Variants in ADAMTSL1 observed in about 807,000 individuals in gnomAD.
The protein encoded by ADAMTSL1 is ADAMTS like 1.
In ADAMTSL1, 126 loss-of-function variants were observed where a neutral mutation model predicts 201.8. That is an observed-to-expected ratio of 0.62 (90% CI 0.54 to 0.72). The LOEUF (loss-of-function observed/expected upper bound fraction) is 0.72, where lower values mean the gene tolerates loss of function less well. Ranked by LOEUF, ADAMTSL1 falls within the 30% of genes least tolerant of loss-of-function variation. The pLI, the probability that ADAMTSL1 is intolerant of heterozygous loss-of-function variation, is 0.00. For synonymous variants in ADAMTSL1, 1,121 were observed against 903.4 expected, an observed-to-expected ratio of 1.24 and a Z score of -4.32; for missense variants, 2,679 against 2,277.8, an observed-to-expected ratio of 1.18 and a Z score of -3.59.
At chr9:18,225,164 C>G (rs1162402597) in intron 2 of ADAMTSL1, among the ~76,000 whole-genome samples, 1 of 152,146 alleles carries the variant, frequency 6.6e-6, no homozygotes, top group Middle Eastern at 3.2e-3. Flanking sequence ...ATTTTAACCT[C>G]TCAAAAGCAT....
At chr9:17,921,010 T>C (rs1161388243) in intron 1 of ADAMTSL1, among the ~76,000 whole-genome samples, 1 of 152,214 alleles carries the variant, frequency 6.6e-6, no homozygotes, top group African/African-American at 2.4e-5. Context: ...AGTAGATCTG[T>C]CTCTTTCAAT....
intron 15 of ADAMTSL1, among the ~76,000 whole-genome samples, chr9:18,733,351 C>G (rs1286681045): frequency 1.3e-5 from 2 of 152,130 alleles, no homozygotes; most frequent in Admixed American, 6.6e-5. Flanking sequence ...GTAAAAAATT[C>G]ATTAGAGTAC....
intron 1 of ADAMTSL1, among the ~76,000 whole-genome samples, chr9:17,984,965 A>G (rs184869005): frequency 4.6e-5 from 7 of 152,232 alleles, no homozygotes; most frequent in Admixed American, 3.9e-4. Flanking sequence ...GTTGCCTTAA[A>G]CCATTGTGTT....
intron 2 of ADAMTSL1, among the ~76,000 whole-genome samples, chr9:18,244,508 A>C (rs1831185924): frequency 6.6e-6 from 1 of 151,846 alleles, no homozygotes; most frequent in Admixed American, 6.6e-5. Flanking sequence ...AGCCAAACTC[A>C]ACTACTCTCT....
chr9:18,643,263 T>C (rs1444484815), intron 7 of ADAMTSL1, among the ~76,000 whole-genome samples: 1 of 152,054 alleles, frequency 6.6e-6, no homozygotes, highest in Non-Finnish European at 1.5e-5. Context: ...TATTTTTCAG[T>C]CAGATTGTTT....
intron 2 of ADAMTSL1, among the ~76,000 whole-genome samples, chr9:18,360,442 C>G (rs1206500804): frequency 2.0e-5 from 3 of 152,140 alleles, no homozygotes; most frequent in Non-Finnish European, 4.4e-5. Flanking sequence ...GATTTTTGAA[C>G]TCTCTGAGCT....
rs550113380 is a variant in ADAMTSL1 at position 18,515,843 on chromosome 9, G to A, written c.191+10887G>A. Among the ~76,000 whole-genome samples the A allele has an allele frequency of 3.9e-5, 6 of 152,192 alleles. No individual in the cohort carries two copies. In the East Asian group the frequency reaches 9.7e-4, roughly 25 times the overall value. ...GCCCAAAGTATTAAATGAACTAAGT[G>A]ATTTCTAACTTATTCTTTCATCCTT... is the stretch of plus-strand genomic sequence containing the variant. On this transcript the variant is annotated intron_variant, in intron 2 of 28. Transcript: ENST00000380548.
At chr9:18,763,438 T>C (rs1048530514) in intron 16 of ADAMTSL1, among the ~76,000 whole-genome samples, 2 of 152,100 alleles carry the variant, frequency 1.3e-5, no homozygotes, top group Admixed American at 6.6e-5. Flanking sequence ...TTTACTCCCA[T>C]TCTGTGGGTT....
intron 2 of ADAMTSL1, among the ~76,000 whole-genome samples, chr9:18,413,453 C>T (rs1272110358): frequency 6.6e-6 from 1 of 152,184 alleles, no homozygotes; most frequent in African/African-American, 2.4e-5. Flanking sequence ...GTGTGGGCCA[C>T]CATGCCCGGC....
At chr9:18,506,193 A>G (rs1248206799) in intron 2 of ADAMTSL1, among the ~76,000 whole-genome samples, 1 of 152,222 alleles carries the variant, frequency 6.6e-6, no homozygotes, top group African/African-American at 2.4e-5. Flanking sequence ...CCTTGAGCTG[A>G]TAAGAAAGAC....
At chr9:18,557,420 A>G (rs571912246) in intron 3 of ADAMTSL1, among the ~76,000 whole-genome samples, 22 of 152,184 alleles carry the variant, frequency 1.4e-4, no homozygotes, top group African/African-American at 5.1e-4. Flanking sequence ...GATTAAAATA[A>G]GGGCCTGACC....
At position 18,262,983 on chromosome 9, in the gene ADAMTSL1, C is replaced by G. The variant is rs571105049; in HGVS notation, c.207+99002C>G. ...GTTAGTCTGTGCCAAGATAATTAAA[C>G]CAATGAAAACTGGGTACAAGTACTG... On this transcript the variant is annotated intron_variant, in intron 2 of 29. Transcript: ENST00000680146. Among the ~76,000 whole-genome samples, 15 of 152,234 alleles carry G rather than the reference C, an allele frequency of 9.9e-5. No individual in the cohort carries two copies. In the South Asian group the frequency reaches 2.9e-3, roughly 30 times the overall value.
intron 1 of ADAMTSL1, among the ~76,000 whole-genome samples, chr9:18,491,550 C>CA (rs1563993481): frequency 1.3e-5 from 2 of 152,108 alleles, no homozygotes; most frequent in African/African-American, 2.4e-5. Flanking sequence ...ACAAAAATCA[C>CA]AAAAAATCAT....
chr9:18,516,606 C>G (rs1200089696), intron 2 of ADAMTSL1, among the ~76,000 whole-genome samples: 16 of 152,162 alleles, frequency 1.1e-4, no homozygotes, highest in Admixed American at 8.5e-4. Flanking sequence ...TTTCATAAAA[C>G]TACTGATTTT....
intron 13 of ADAMTSL1, among the ~76,000 whole-genome samples, chr9:18,700,567 C>G (rs1450185125): frequency 6.6e-6 from 1 of 151,980 alleles, no homozygotes; most frequent in Admixed American, 6.6e-5. Context: ...ATTAATGTCT[C>G]AAGGATTGCC....
intron 1 of ADAMTSL1, among the ~76,000 whole-genome samples, chr9:18,145,545 T>C (rs1002950665): frequency 2.6e-5 from 4 of 152,172 alleles, no homozygotes; most frequent in African/African-American, 9.7e-5. Flanking sequence ...AAATTGGATA[T>C]TCGAAACATG....
chr9:18,600,493 C>T (rs1272778335), intron 4 of ADAMTSL1, among the ~76,000 whole-genome samples: 1 of 152,152 alleles, frequency 6.6e-6, no homozygotes, highest in Admixed American at 6.5e-5. Flanking sequence ...CTAGACAACC[C>T]TCCCTGAATT....
At chr9:18,194,921 C>T (rs575267433) in intron 2 of ADAMTSL1, among the ~76,000 whole-genome samples, 22 of 152,086 alleles carry the variant, frequency 1.4e-4, no homozygotes, top group Non-Finnish European at 8.8e-5. Flanking sequence ...ACACAAGATA[C>T]ATCTTTTCAG....
At chr9:18,214,152 G>A (rs2132329157) in intron 2 of ADAMTSL1, among the ~76,000 whole-genome samples, 1 of 152,210 alleles carries the variant, frequency 6.6e-6, no homozygotes, top group East Asian at 1.9e-4. Context: ...GTTATCACCT[G>A]TATTTTCTTC....
Sources: gnomAD v4.1 joint callset for allele counts (sites outside exome capture counted in the v4.1 genomes callset) on GRCh38, gnomAD v4.1.1 for gene constraint, MANE v1.5 for transcripts, NCBI Gene and HGNC (gene_info 2026-07-23, HGNC 2026-07-21) for gene names.